KSR2: variants seen among roughly 807,000 people sequenced by gnomAD.
KSR2 encodes the protein kinase suppressor of ras 2.
Under a neutral mutation model 107.8 loss-of-function variants are expected in KSR2, and 25 were observed. That is an observed-to-expected ratio of 0.23 (90% CI 0.17 to 0.32). KSR2 has a LOEUF of 0.32. KSR2 is among the 10% of genes least tolerant of loss of function. The pLI, the probability that KSR2 is intolerant of heterozygous loss-of-function variation, is 1.00. For synonymous variants in KSR2, 480 were observed against 507.0 expected (o/e 0.95, Z 0.71); for missense variants, 887 against 1,268.9 (o/e 0.70, Z 4.57).
At chr12:117,577,136 T>A (rs1879329170) in intron 7 of KSR2, among the ~76,000 whole-genome samples, 1 of 151,956 alleles carries the variant, frequency 6.6e-6, no homozygotes, top group South Asian at 2.1e-4. Flanking sequence ...GGGGCAGGGA[T>A]GTGGGGAGGC....
intron 2 of KSR2, among the ~76,000 whole-genome samples, chr12:117,859,288 G>A (rs753183294): frequency 1.3e-5 from 2 of 151,610 alleles, no homozygotes; most frequent in Non-Finnish European, 1.5e-5. Context: ...TGGGACTGCA[G>A]GCGTGCACCA....
intron 5 of KSR2, among the ~76,000 whole-genome samples, chr12:117,592,152 C>T (rs1880360155): frequency 6.6e-6 from 1 of 150,488 alleles, no homozygotes; most frequent in Non-Finnish European, 1.5e-5. Context: ...GAGTCTCACT[C>T]ACCCAGGCTG....
At chr12:117,652,082 T>G (rs1883927125) in intron 5 of KSR2, among the ~76,000 whole-genome samples, 1 of 152,126 alleles carries the variant, frequency 6.6e-6, no homozygotes, top group South Asian at 2.1e-4. Context: ...CATTGTATGT[T>G]CTCATTGATA....
At chr12:117,578,245 G>A (rs1879405665) in intron 7 of KSR2, among the ~76,000 whole-genome samples, 1 of 152,050 alleles carries the variant, frequency 6.6e-6, no homozygotes, top group Non-Finnish European at 1.5e-5. Context: ...CTGTAAAATG[G>A]GGATAATTAC....
chr12:117,761,470 C>A lies in KSR2; in HGVS notation c.527G>T (p.Gly176Val), dbSNP rs1168997061. ...GGGGCACACGGGATTGTTCTCCTTC[C>A]CCGTCTCTGTCGTGGGCCACTGGAT... is the stretch of plus-strand genomic sequence containing the variant. ...WTIQWPTTET[G>V]KENNPVCPPE... Residue 176 changes from glycine (G) to valine (V), a missense_variant, in exon 4 of 20, where the codon GGG becomes GTG. Transcript: ENST00000339824. 6.2e-7 allele frequency: 1 copy of A among 1,613,270 alleles called. No individual in the cohort carries two copies. The highest frequency in any genetic ancestry group is 8.5e-7 in the Non-Finnish European group (1 of 1,179,678).
intron 4 of KSR2, among the ~76,000 whole-genome samples, chr12:117,725,359 CAG>C (rs1475930772): frequency 4.6e-5 from 7 of 152,144 alleles, no homozygotes; most frequent in Non-Finnish European, 4.4e-5. Flanking sequence ...TGGAACAGAA[CAG>C]AGAGTCTTGA....
chr12:117,713,073 A>G (rs1032604751), intron 4 of KSR2, among the ~76,000 whole-genome samples: 1 of 149,644 alleles, frequency 6.7e-6, no homozygotes. Flanking sequence ...ATACTTATAT[A>G]GATAGATTAT....
intron 1 of KSR2, among the ~76,000 whole-genome samples, chr12:117,921,787 A>G (rs1895354768): frequency 6.6e-6 from 1 of 152,204 alleles, no homozygotes; most frequent in Admixed American, 6.5e-5. Context: ...GTCCCCTTGC[A>G]TTGGGCTCAC....
At chr12:117,655,043 T>G (rs1001070487) in intron 5 of KSR2, among the ~76,000 whole-genome samples, 3 of 152,202 alleles carry the variant, frequency 2.0e-5, no homozygotes, top group African/African-American at 7.2e-5. Context: ...GCCCTCGATA[T>G]GTCACCATTC....
intron 5 of KSR2, among the ~76,000 whole-genome samples, chr12:117,623,406 T>C (rs116129222): frequency 3.6e-3 from 547 of 152,074 alleles, no homozygotes; most frequent in African/African-American, 0.013. Context: ...TAGGCCCCAG[T>C]GTGTGATGTT....
At chr12:117,687,643 C>T (rs773793249) in intron 4 of KSR2, among the ~76,000 whole-genome samples, 7 of 152,178 alleles carry the variant, frequency 4.6e-5, no homozygotes, top group African/African-American at 9.6e-5. Context: ...GTTTTGTGAC[C>T]GTCTAGCATT....
chr12:117,666,052 G>T (rs1884646283), intron 5 of KSR2, among the ~76,000 whole-genome samples: 1 of 152,162 alleles, frequency 6.6e-6, no homozygotes, highest in Non-Finnish European at 1.5e-5. Flanking sequence ...TGGCCTTCTG[G>T]TATGGACCTG....
intron 1 of KSR2, among the ~76,000 whole-genome samples, chr12:117,876,484 C>G (rs954633945): frequency 6.6e-6 from 1 of 152,194 alleles, no homozygotes; most frequent in Non-Finnish European, 1.5e-5. Flanking sequence ...CGCTGTCTCA[C>G]TATTGCTGAT....
At chr12:117,669,590 G>C in intron 4 of KSR2, among the ~76,000 whole-genome samples, 1 of 151,802 alleles carries the variant, frequency 6.6e-6, no homozygotes, top group East Asian at 1.9e-4. Flanking sequence ...AAAGAGGGCT[G>C]AGTGCAGTGT....
rs115836419 is a variant in KSR2 at position 117,771,963 on chromosome 12, C to T, written c.473-10439G>A. Among the ~76,000 whole-genome samples the T allele has an allele frequency of 9.5e-3, 1,431 of 150,252 alleles. 26 individuals are homozygous for T. Among genetic ancestry groups the T allele is most frequent in the African/African-American group, 0.033 (1,345 of 40,826 alleles). Reference sequence around the variant, plus strand: ...CACATACACACCATTCCATCAAAGACGCACACACACTCACACATACACACA... The same window carrying T: ...CACATACACACCATTCCATCAAAGATGCACACACACTCACACATACACACA... On this transcript the variant is annotated intron_variant, in intron 3 of 19. Coordinates refer to ENST00000339824, the MANE Select transcript of KSR2 (RefSeq NM_173598.6).
At chr12:117,567,984 A>G (rs1161818998) in intron 7 of KSR2, among the ~76,000 whole-genome samples, 1 of 152,138 alleles carries the variant, frequency 6.6e-6, no homozygotes, top group Non-Finnish European at 1.5e-5. Flanking sequence ...ACTGCTAACA[A>G]CTCAGTGGGG....
intron 5 of KSR2, among the ~76,000 whole-genome samples, chr12:117,646,364 C>A (rs16947837): frequency 6.6e-6 from 1 of 152,124 alleles, no homozygotes; most frequent in Admixed American, 6.5e-5. Flanking sequence ...TATCAGCTCA[C>A]TGGGTCCTCG....
chr12:117,559,318 G>T (rs916334398), intron 7 of KSR2, among the ~76,000 whole-genome samples: 1 of 152,102 alleles, frequency 6.6e-6, no homozygotes, highest in Non-Finnish European at 1.5e-5. Flanking sequence ...CTGCCCACAC[G>T]GACTTCACGT....
chr12:117,642,762 C>T (rs946389132), intron 5 of KSR2, among the ~76,000 whole-genome samples: 61 of 152,310 alleles, frequency 4.0e-4, no homozygotes, highest in African/African-American at 1.3e-3. Flanking sequence ...GGGGAAAATA[C>T]TTTCCTTTCT....
Sources: allele counts gnomAD v4.1 joint callset (sites outside exome capture counted in the v4.1 genomes callset), GRCh38; gene constraint gnomAD v4.1.1; transcripts MANE v1.5; gene names NCBI Gene and HGNC (gene_info 2026-07-23, HGNC 2026-07-21).